DNAH17: variants seen among roughly 807,000 people sequenced by gnomAD.
DNAH17 encodes the protein axonemal beta dynein heavy chain 17.
DNAH17 carries 376 observed loss-of-function variants against 485.6 expected under a neutral mutation model. The ratio of observed to expected loss-of-function variants is 0.77; its 90% CI spans 0.71 to 0.84. The LOEUF (loss-of-function observed/expected upper bound fraction) is 0.84. Ranked by LOEUF, DNAH17 falls within the 40% of genes least tolerant of loss-of-function variation. The probability of loss-of-function intolerance (pLI) is 0.00; values close to 1 mark genes in which losing one functional copy is unlikely to be tolerated. For synonymous variants in DNAH17, 3,031 were observed against 2,405.9 expected, an observed-to-expected ratio of 1.26 and a Z score of -7.60; for missense variants, 6,370 against 5,839.3, an observed-to-expected ratio of 1.09 and a Z score of -2.96.
intron 17 of DNAH17, among the ~76,000 whole-genome samples, chr17:78,541,544 A>G (rs1012880212): frequency 2.0e-5 from 3 of 151,994 alleles, no homozygotes; most frequent in African/African-American, 7.3e-5. Flanking sequence ...CTTCAGCATA[A>G]GATAAAAAGA....
chr17:78,436,311 C>T (rs2086849346), intron 74 of DNAH17, among the ~76,000 whole-genome samples: 1 of 152,092 alleles, frequency 6.6e-6, no homozygotes. Context: ...GTCTGTAATC[C>T]CAGCTACTTG....
intron 22 of DNAH17, among the ~76,000 whole-genome samples, chr17:78,528,817 C>T (rs1006254350): frequency 6.6e-6 from 1 of 152,144 alleles, no homozygotes; most frequent in Non-Finnish European, 1.5e-5. Context: ...CTGCCAGCCC[C>T]GCCCCCTTCA....
chr17:78,448,286 C>T (rs1334593741), intron 69 of DNAH17, among the ~76,000 whole-genome samples: 1 of 151,422 alleles, frequency 6.6e-6, no homozygotes, highest in African/African-American at 2.4e-5. Flanking sequence ...ATCACTTGAG[C>T]CCAGGAGTTC....
intron 44 of DNAH17, among the ~76,000 whole-genome samples, chr17:78,487,638 T>C (rs1016052763): frequency 6.6e-6 from 1 of 152,132 alleles, no homozygotes; most frequent in Non-Finnish European, 1.5e-5. Flanking sequence ...AATTCTCCTG[T>C]TTCGGCCTTC....
Position 78,507,725 on chromosome 17 carries a change from G to T in DNAH17, c.4317C>A (p.Leu1439=). ...EPHPRTGTMM[L]KSSEVLVETL... ...TCTCCACCAGCACCTCGCTGGACTT[G>T]AGCATCATGGTGCCTGTCCGCGGGT... is the stretch of plus-strand genomic sequence containing the variant. Residue 1439 remains leucine (L), a synonymous_variant, in exon 28 of 81, where the codon CTC becomes CTA. Coordinates refer to ENST00000389840, the MANE Select transcript of DNAH17 (RefSeq NM_173628.4). 6.2e-7 allele frequency: 1 copy of T among 1,605,828 alleles called. No homozygotes were observed.
chr17:78,465,775 C>G (rs1349564385), intron 56 of DNAH17, among the ~76,000 whole-genome samples: 1 of 142,588 alleles, frequency 7.0e-6, no homozygotes, highest in Non-Finnish European at 1.5e-5. Context: ...GGTCAGCCCC[C>G]GCCAGGCCAG....
Position 78,506,887 on chromosome 17 carries a change from C to CT in DNAH17, c.4677-42dup, listed in dbSNP as rs1568172732. 4 of 1,612,512 alleles carry CT rather than the reference C, an allele frequency of 2.5e-6. No individual in the cohort carries two copies. In the South Asian group the frequency reaches 4.4e-5, roughly 18 times the overall value. On this transcript the variant is annotated intron_variant, in intron 29 of 80. Transcript: ENST00000389840. ...GAAGTAGAGGAGGCCGGTGACCCTA[C>CT]TCTGTAGGGATGTCTGCCACCCACC...
Position 78,424,092 on chromosome 17 carries a change from CGG to C in DNAH17, c.13201_13202del (p.Pro4401GlyfsTer22). 1 of 1,613,902 alleles carries C rather than the reference CGG, an allele frequency of 6.2e-7. No individual in the cohort carries two copies. Among genetic ancestry groups the C allele is most frequent in the South Asian group, 1.1e-5 (1 of 91,084 alleles). ...IAEARLKELT[P>X]AMPVIFIKAI... ...CCTTGATGAAGATGACAGGCATGGCCGGGGTCAGCTCTTTCAGCCGCGCTTCA... is the reference window on the plus strand; with the variant it reads ...CCTTGATGAAGATGACAGGCATGGCCGGTCAGCTCTTTCAGCCGCGCTTCA... On this transcript the variant is annotated frameshift_variant, in exon 81 of 81. Transcript: ENST00000389840. LOFTEE classifies it high-confidence loss of function.
rs757473608 is a variant in DNAH17, at chr17:78,529,649, C to G, written c.3330G>C (p.Leu1110Phe). Residue 1110 changes from leucine (L) to phenylalanine (F), a missense_variant, in exon 22 of 81, where the codon TTG becomes TTC. Physicochemically the swap from Leu to Phe is conservative, Grantham distance 22 (BLOSUM62 0). Transcript: ENST00000389840. ...AGTCCCCCTCCTTGAGGGGCTTGGT[C>G]AAGCCCATTCTGGCGACTTTCATGA... Reference protein sequence around the residue: ...EAFMKVARMGLTKPLKEGDYD... With the variant: ...EAFMKVARMGFTKPLKEGDYD... 8.7e-6 allele frequency: 14 copies of G among 1,613,852 alleles called. No individual in the cohort carries two copies. In the South Asian group the frequency reaches 8.8e-5, roughly 10 times the overall value.
chr17:78,529,464 C>T lies in DNAH17; in HGVS notation c.3507+8G>A. On this transcript the variant is annotated splice_region_variant and intron_variant, in intron 22 of 80. Transcript: ENST00000389840. ...ACCTGGACGCAGCCACACCCACCCA[C>T]CACGTACCTGCAGCTTCAAGTGGAT... The T allele has an allele frequency of 6.2e-7, 1 of 1,613,756 alleles. No individual in the cohort carries two copies. Among genetic ancestry groups the T allele is most frequent in the East Asian group, 2.2e-5 (1 of 44,872 alleles).
intron 3 of DNAH17, among the ~76,000 whole-genome samples, chr17:78,572,040 G>T (rs1249822541): frequency 6.6e-6 from 1 of 152,176 alleles, no homozygotes; most frequent in Admixed American, 6.5e-5. Flanking sequence ...CAAGGAAGCG[G>T]GAGAGAATTA....
intron 16 of DNAH17, among the ~76,000 whole-genome samples, chr17:78,544,791 A>T (rs759819078): frequency 6.7e-5 from 7 of 104,212 alleles, no homozygotes; most frequent in Non-Finnish European, 1.1e-4. Context: ...ACAGAGCGAG[A>T]CTCAGTCTCA....
At position 78,486,374 on chromosome 17, in the gene DNAH17, C is replaced by G; in HGVS notation, c.6951G>C (p.Pro2317=). 6.2e-7 allele frequency: 1 copy of G among 1,613,860 alleles called. No homozygotes were observed. Among genetic ancestry groups the G allele is most frequent in the Non-Finnish European group, 8.5e-7 (1 of 1,179,828 alleles). The change falls in exon 45 of 81, where the codon CCG becomes CCC. Residue 2317 remains proline, a synonymous_variant. Transcript: ENST00000389840. ...GAATCGTTTGGATCACCGTGATCTC[C>G]GGCACTGGCGTGATCTTCTTGAACC... ...RFGFKKITPV[P]EITVIQTILY...
At chr17:78,569,573 T>TG (rs774525808) in intron 7 of DNAH17, 46 bp from the exon 8 acceptor site, 4 of 1,571,924 alleles carry the variant, frequency 2.5e-6, no homozygotes, top group Non-Finnish European at 3.5e-6. Context: ...ACAAGCCATT[T>TG]GGGGTGACGT....
In DNAH17 at chr17:78,451,590, T is replaced by A; in HGVS notation, c.10613A>T (p.Tyr3538Phe). Reference sequence around the variant, plus strand: ...GCACTGAGCCTGCATCTCTGGCTTGTAGTGTGGGTTGAAGTACTTGGTGTG... The same window carrying A: ...GCACTGAGCCTGCATCTCTGGCTTGAAGTGTGGGTTGAAGTACTTGGTGTG... ...ILHTKYFNPHYKPEMQAQCTL... is the reference protein window; with the variant it reads ...ILHTKYFNPHFKPEMQAQCTL... Residue 3538 changes from tyrosine to phenylalanine, a missense_variant, in exon 66 of 81, where the codon TAC becomes TTC. Tyr to Phe is a conservative substitution (Grantham distance 22, BLOSUM62 3). Coordinates refer to ENST00000389840, the MANE Select transcript of DNAH17 (RefSeq NM_173628.4). 1 of 1,612,656 alleles carries A rather than the reference T, an allele frequency of 6.2e-7. No individual in the cohort carries two copies. Among genetic ancestry groups the A allele is most frequent in the Non-Finnish European group, 8.5e-7 (1 of 1,179,256 alleles).
At chr17:78,438,400 T>C in intron 73 of DNAH17, among the ~76,000 whole-genome samples, 1 of 15,120 alleles carries the variant, frequency 6.6e-5, no homozygotes, top group Non-Finnish European at 1.3e-4. Flanking sequence ...CGCTCTGGGC[T>C]TTGCTGCCTG....
At chr17:78,568,841 A>G (rs1248165451) in intron 9 of DNAH17, among the ~76,000 whole-genome samples, 4 of 152,188 alleles carry the variant, frequency 2.6e-5, no homozygotes, top group Non-Finnish European at 5.9e-5. Flanking sequence ...TCCATTTGTA[A>G]TAATTGAGTC....
At chr17:78,433,255 C>T (rs949731122) in intron 75 of DNAH17, among the ~76,000 whole-genome samples, 2 of 152,198 alleles carry the variant, frequency 1.3e-5, no homozygotes, top group African/African-American at 4.8e-5. Context: ...CCGCTCTCTC[C>T]AGTTTATGGT....
chr17:78,557,275 CTT>C (rs1568250592), intron 14 of DNAH17, among the ~76,000 whole-genome samples: 1 of 152,114 alleles, frequency 6.6e-6, no homozygotes, highest in Non-Finnish European at 1.5e-5. Flanking sequence ...TGTTGAATGA[CTT>C]TAATATTATC....
Sources: allele counts gnomAD v4.1 joint callset (sites outside exome capture counted in the v4.1 genomes callset), GRCh38; gene constraint gnomAD v4.1.1; transcripts MANE v1.5; gene names NCBI Gene and HGNC (gene_info 2026-07-23, HGNC 2026-07-21).